Variants in MTA3 observed in about 807,000 individuals in gnomAD.
MTA3 encodes metastasis associated 1 family member 3.
MTA3 carries 34 observed loss-of-function variants against 83.5 expected under a neutral mutation model. The ratio of observed to expected loss-of-function variants is 0.41; its 90% confidence interval spans 0.31 to 0.54. MTA3 has a LOEUF of 0.54. Among genes scored for constraint, MTA3 ranks in the 20% least tolerant of loss-of-function variants. The pLI, the probability that MTA3 is intolerant of heterozygous loss-of-function variation, is 0.33. For missense variants in MTA3, 761 were observed against 726.4 expected, an observed-to-expected ratio of 1.05 and a Z score of -0.55; for synonymous variants, 303 against 252.7, an observed-to-expected ratio of 1.20 and a Z score of -1.89.
At chr2:42,560,310 A>AT (rs1009886230) in intron 2 of MTA3, among the ~76,000 whole-genome samples, 9 of 148,850 alleles carry the variant, frequency 6.0e-5, no homozygotes, top group African/African-American at 1.5e-4. Flanking sequence ...TGCCCGGCTG[A>AT]TTTTTTTTTT....
chr2:42,513,312 C>G (rs1181476978), intron 2 of MTA3, among the ~76,000 whole-genome samples: 1 of 152,188 alleles, frequency 6.6e-6, no homozygotes, highest in Non-Finnish European at 1.5e-5. Context: ...GGTCCCTGTT[C>G]AGGTTGGGAC....
At chr2:42,694,001 C>T (rs962604751) in intron 9 of MTA3, among the ~76,000 whole-genome samples, 1 of 152,110 alleles carries the variant, frequency 6.6e-6, no homozygotes, top group Non-Finnish European at 1.5e-5. Context: ...CTGGGTCCTT[C>T]CTTTAAGGCA....
intron 8 of MTA3, among the ~76,000 whole-genome samples, chr2:42,671,209 G>C (rs1453076893): frequency 6.6e-6 from 1 of 151,990 alleles, no homozygotes; most frequent in Non-Finnish European, 1.5e-5. Flanking sequence ...TTCTACTTAA[G>C]TCCATTTTGG....
chr2:42,513,738 G>A (rs745767407), intron 2 of MTA3, among the ~76,000 whole-genome samples: 6 of 152,194 alleles, frequency 3.9e-5, no homozygotes, highest in African/African-American at 7.2e-5. Flanking sequence ...CAGTGAGCCG[G>A]GAATGAGGGA....
At position 42,576,833 on chromosome 2, in the gene MTA3, G is replaced by A. The variant is rs1468775828; in HGVS notation, c.97-2274G>A. ...AATCGCTTGAACCCATGAGGCGGAAGTTGCAGTGAGCTGAGATCGTGCCAT... is the reference window on the plus strand; with the variant it reads ...AATCGCTTGAACCCATGAGGCGGAAATTGCAGTGAGCTGAGATCGTGCCAT... On this transcript the variant is annotated intron_variant, in intron 2 of 16. Transcript: ENST00000405094. Among the ~76,000 whole-genome samples, 4 of 152,188 alleles carry A rather than the reference G, an allele frequency of 2.6e-5. No individual in the cohort carries two copies. The East Asian group carries it at 7.7e-4, about 29-fold the overall frequency.
intron 4 of MTA3, among the ~76,000 whole-genome samples, chr2:42,639,691 A>G (rs1307160808): frequency 6.6e-6 from 1 of 152,210 alleles, no homozygotes; most frequent in Admixed American, 6.5e-5. Context: ...ATATCCTGAT[A>G]TGAATGTGTA....
intron 6 of MTA3, among the ~76,000 whole-genome samples, chr2:42,652,665 A>G (rs1193395866): frequency 6.6e-6 from 1 of 152,074 alleles, no homozygotes; most frequent in Non-Finnish European, 1.5e-5. Context: ...TTATTTACTC[A>G]AATCATCTGA....
At chr2:42,722,240 A>G (rs568201666) in intron 15 of MTA3, among the ~76,000 whole-genome samples, 14 of 152,328 alleles carry the variant, frequency 9.2e-5, no homozygotes, top group Admixed American at 7.2e-4. Flanking sequence ...TCTGGGCTGT[A>G]TGGCTAACAA....
chr2:42,570,797 G>C (rs1001265953), intron 2 of MTA3, among the ~76,000 whole-genome samples: 18 of 151,982 alleles, frequency 1.2e-4, no homozygotes, highest in Admixed American at 2.0e-4. Flanking sequence ...GATCACCTGA[G>C]GTCGGGAGTT....
At chr2:42,631,406 G>C (rs1686660482) in intron 4 of MTA3, among the ~76,000 whole-genome samples, 1 of 152,164 alleles carries the variant, frequency 6.6e-6, no homozygotes, top group African/African-American at 2.4e-5. Context: ...TTTAAGGGCT[G>C]AAGTAGTTTT....
chr2:42,510,342 AAT>A (rs1156658367), intron 2 of MTA3, among the ~76,000 whole-genome samples: 5 of 151,656 alleles, frequency 3.3e-5, no homozygotes, highest in African/African-American at 1.2e-4. Flanking sequence ...GCACAGCAGA[AAT>A]CCTCGTTTAG....
At chr2:42,661,568 A>G (rs1206217197) in intron 8 of MTA3, among the ~76,000 whole-genome samples, 7 of 151,782 alleles carry the variant, frequency 4.6e-5, no homozygotes, top group Admixed American at 4.6e-4. Context: ...TGTGGAATCT[A>G]ATAACTACCT....
intron 3 of MTA3, among the ~76,000 whole-genome samples, chr2:42,580,326 A>G (rs999494956): frequency 5.9e-5 from 9 of 151,456 alleles, no homozygotes; most frequent in African/African-American, 2.2e-4. Context: ...CCTGTGCAGG[A>G]TGTGCAGGTT....
At chr2:42,735,503 C>T (rs1030402281) in intron 16 of MTA3, among the ~76,000 whole-genome samples, 13 of 152,104 alleles carry the variant, frequency 8.5e-5, no homozygotes, top group Non-Finnish European at 1.6e-4. Context: ...ATATTGATAT[C>T]TTTCTCTAGG....
chr2:42,704,034 G>A, intron 11 of MTA3, 160 bp from the exon 12 acceptor site: 1 of 757,570 alleles, frequency 1.3e-6, no homozygotes, highest in Non-Finnish European at 2.1e-6. Context: ...AGTAGTGTGA[G>A]TTCATTTAAC....
At chr2:42,722,215 A>G (rs941416242) in intron 15 of MTA3, among the ~76,000 whole-genome samples, 1 of 152,336 alleles carries the variant, frequency 6.6e-6, no homozygotes, top group South Asian at 2.1e-4. Flanking sequence ...TCCATCTACA[A>G]TAAGAGCACG....
intron 2 of MTA3, among the ~76,000 whole-genome samples, chr2:42,562,043 G>C (rs571008668): frequency 6.6e-6 from 1 of 152,232 alleles, no homozygotes; most frequent in Non-Finnish European, 1.5e-5. Context: ...CATGCCAGTG[G>C]TTGCTGGCAA....
rs1404601973 is a variant in MTA3, at chr2:42,631,581, G to A, written c.318-8592G>A. ...ACAAGATATATTTTGACAGAGGCAT[G>A]TGATGCATAGTAATCACATCATGAA... is the stretch of plus-strand genomic sequence containing the variant. On this transcript the variant is annotated intron_variant, in intron 4 of 16. Coordinates refer to ENST00000405094, the MANE Select transcript of MTA3 (RefSeq NM_001330442.2). Among the ~76,000 whole-genome samples the A allele has an allele frequency of 3.3e-5, 5 of 152,158 alleles. No individual in the cohort carries two copies. In the East Asian group the frequency reaches 9.6e-4, roughly 29 times the overall value.
intron 5 of MTA3, 51 bp downstream of exon 5, chr2:42,640,287 A>C (rs372165323): frequency 8.7e-6 from 11 of 1,271,078 alleles, no homozygotes; most frequent in Non-Finnish European, 1.2e-5. Flanking sequence ...ATTTCACATG[A>C]AGCTCTTTCC....
Sources: allele counts gnomAD v4.1 joint callset (sites outside exome capture counted in the v4.1 genomes callset), GRCh38; gene constraint gnomAD v4.1.1; transcripts MANE v1.5; gene names NCBI Gene and HGNC (gene_info 2026-07-23, HGNC 2026-07-21).